TBC1D32: variants seen among roughly 807,000 people sequenced by gnomAD.
TBC1D32 encodes protein broad-minded.
Under a neutral mutation model 170.3 loss-of-function variants are expected in TBC1D32, and 151 were observed. The observed-to-expected ratio is 0.89, with a 90% CI of 0.78 to 1.01. The LOEUF (loss-of-function observed/expected upper bound fraction) is 1.01. Ranked by LOEUF, TBC1D32 falls within the 50% of genes least tolerant of loss-of-function variation. TBC1D32 has a pLI of 0.00. For missense variants in TBC1D32, 1,464 were observed against 1,457.1 expected (o/e 1.00, Z -0.08); for synonymous variants, 498 against 488.0 (o/e 1.02, Z -0.27).
chr6:121,257,443 T>A (rs779403070), intron 15 of TBC1D32, among the ~76,000 whole-genome samples: 1 of 152,146 alleles, frequency 6.6e-6, no homozygotes, highest in East Asian at 1.9e-4. Flanking sequence ...GATCATTGCC[T>A]ACATCCACTA....
chr6:121,229,894 TA>T (rs1482889954), intron 20 of TBC1D32, among the ~76,000 whole-genome samples: 1 of 152,006 alleles, frequency 6.6e-6, no homozygotes, highest in Non-Finnish European at 1.5e-5. Flanking sequence ...GTTCCCATGA[TA>T]GTGAGTTCTC....
Position 121,329,513 on chromosome 6 carries a change from G to A in TBC1D32, c.155+4763C>T, listed in dbSNP as rs150590897. Among the ~76,000 whole-genome samples the A allele has an allele frequency of 3.6e-3, 544 of 152,164 alleles. 4 individuals are homozygous for A. The highest frequency in any genetic ancestry group is 0.013 in the African/African-American group (530 of 41,516). On this transcript the variant is annotated intron_variant, in intron 1 of 31. Coordinates refer to ENST00000398212, the MANE Select transcript of TBC1D32 (RefSeq NM_152730.6). ...CTAAAAATACAAAAATTAGCCAGGCGTGGTGGCAAACACCTGTAATCTTAG... is the reference window on the plus strand; with the variant it reads ...CTAAAAATACAAAAATTAGCCAGGCATGGTGGCAAACACCTGTAATCTTAG...
rs147504708 is a variant in TBC1D32, at chr6:121,212,252, G to C, written c.2482-7089C>G. 1.7e-3 allele frequency among the ~76,000 whole-genome samples: 251 copies of C among 152,000 alleles called. 1 individual carries two copies. Among genetic ancestry groups the C allele is most frequent in the African/African-American group, 5.8e-3 (240 of 41,460 alleles). On this transcript the variant is annotated intron_variant, in intron 21 of 31. Coordinates refer to ENST00000398212, the MANE Select transcript of TBC1D32 (RefSeq NM_152730.6). ...ATAAATAGCCTACCAACCAAAAAAA[G>C]CCCAGGACCAGGTGGATTCACAGCT...
intron 19 of TBC1D32, among the ~76,000 whole-genome samples, chr6:121,241,121 G>A (rs1796933100): frequency 6.6e-6 from 1 of 152,094 alleles, no homozygotes; most frequent in East Asian, 1.9e-4. Flanking sequence ...AATCCTATCA[G>A]ATGGGACTGT....
At chr6:121,290,700 CAT>C (rs1804698218) in intron 12 of TBC1D32, among the ~76,000 whole-genome samples, 1 of 152,038 alleles carries the variant, frequency 6.6e-6, no homozygotes, top group Middle Eastern at 3.4e-3. Context: ...CACATGCACA[CAT>C]ATGTTTATTG....
chr6:121,265,311 T>C (rs535057462), intron 15 of TBC1D32, among the ~76,000 whole-genome samples: 17 of 152,022 alleles, frequency 1.1e-4, no homozygotes, highest in Non-Finnish European at 2.5e-4. Flanking sequence ...CCATTCACAA[T>C]TGCTACAAAA....
At chr6:121,230,094 G>C (rs543376753) in intron 20 of TBC1D32, among the ~76,000 whole-genome samples, 69 of 152,004 alleles carry the variant, frequency 4.5e-4, no homozygotes, top group Non-Finnish European at 8.7e-4. Flanking sequence ...CCCAGTCTCG[G>C]GTAGTTCTTC....
chr6:121,112,345 A>G (rs1176917006), intron 29 of TBC1D32, 160 bp downstream of exon 29: 6 of 571,956 alleles, frequency 1.0e-5, no homozygotes, highest in Non-Finnish European at 1.6e-5. Context: ...GAAAATATCA[A>G]ATCTATATAA....
chr6:121,238,464 A>G (rs1275191589), intron 20 of TBC1D32, among the ~76,000 whole-genome samples: 1 of 152,152 alleles, frequency 6.6e-6, no homozygotes, highest in African/African-American at 2.4e-5. Flanking sequence ...TTTTTAAGCA[A>G]TCTTATGACA....
chr6:121,207,651 C>T (rs1430133525), intron 21 of TBC1D32, among the ~76,000 whole-genome samples: 1 of 152,090 alleles, frequency 6.6e-6, no homozygotes, highest in East Asian at 1.9e-4. Flanking sequence ...AGCAGCTTCC[C>T]AGCAACAAAC....
intron 21 of TBC1D32, among the ~76,000 whole-genome samples, chr6:121,215,052 C>A (rs1460188846): frequency 6.6e-6 from 1 of 152,180 alleles, no homozygotes; most frequent in Admixed American, 6.5e-5. Flanking sequence ...CAGCTCTCAG[C>A]AGAGAGGAGA....
chr6:121,216,565 C>T (rs1583257524), intron 21 of TBC1D32, among the ~76,000 whole-genome samples: 1 of 151,990 alleles, frequency 6.6e-6, no homozygotes, highest in East Asian at 1.9e-4. Context: ...TAGTCATTGG[C>T]GTGAACTGTT....
At chr6:121,200,190 CA>C (rs1791356705) in intron 22 of TBC1D32, among the ~76,000 whole-genome samples, 1 of 151,138 alleles carries the variant, frequency 6.6e-6, no homozygotes, top group Non-Finnish European at 1.5e-5. Flanking sequence ...ACAATATTAA[CA>C]TTTTTAAACC....
At chr6:121,189,473 T>A (rs895514932) in intron 22 of TBC1D32, among the ~76,000 whole-genome samples, 1 of 150,740 alleles carries the variant, frequency 6.6e-6, no homozygotes, top group Non-Finnish European at 1.5e-5. Flanking sequence ...AATATTAATG[T>A]TCATTATATT....
At chr6:121,309,348 T>C (rs1488559690) in intron 4 of TBC1D32, among the ~76,000 whole-genome samples, 3 of 152,168 alleles carry the variant, frequency 2.0e-5, no homozygotes, top group Non-Finnish European at 2.9e-5. Flanking sequence ...AGGATTTTTA[T>C]CATATAAAAT....
chr6:121,323,798 G>A (rs962720918), intron 1 of TBC1D32, among the ~76,000 whole-genome samples: 1 of 152,114 alleles, frequency 6.6e-6, no homozygotes, highest in African/African-American at 2.4e-5. Context: ...AAATTAGCTG[G>A]GCGTGGTGGC....
intron 24 of TBC1D32, among the ~76,000 whole-genome samples, chr6:121,137,319 T>C (rs1782209265): frequency 6.6e-6 from 1 of 152,004 alleles, no homozygotes; most frequent in African/African-American, 2.4e-5. Context: ...ATCCATTCTA[T>C]ATCCAGTTAT....
chr6:121,222,742 T>C (rs1164918042), intron 21 of TBC1D32, among the ~76,000 whole-genome samples: 3 of 152,220 alleles, frequency 2.0e-5, no homozygotes, highest in African/African-American at 4.8e-5. Context: ...TATCCCTTAA[T>C]GATTAAAACA....
intron 20 of TBC1D32, among the ~76,000 whole-genome samples, chr6:121,230,953 C>T (rs912645419): frequency 6.6e-6 from 1 of 152,086 alleles, no homozygotes; most frequent in Non-Finnish European, 1.5e-5. Context: ...AACCCTTTTC[C>T]CTGAGTCCCC....
Sources: gnomAD v4.1 joint callset for allele counts (sites outside exome capture counted in the v4.1 genomes callset) on GRCh38, gnomAD v4.1.1 for gene constraint, MANE v1.5 for transcripts, NCBI Gene and HGNC (gene_info 2026-07-23, HGNC 2026-07-21) for gene names.